CASZ1: variants seen among roughly 807,000 people sequenced by gnomAD.
CASZ1 encodes zinc finger protein castor homolog 1.
A neutral mutation model predicts 135.2 loss-of-function variants in CASZ1; 28 were observed. The observed-to-expected ratio is 0.21, with a 90% CI of 0.15 to 0.28. The LOEUF is 0.28. Ranked by LOEUF, CASZ1 falls within the 10% of genes least tolerant of loss-of-function variation. The pLI is 1.00. For synonymous variants in CASZ1, 1,068 were observed against 1,073.4 expected (o/e 0.99, Z 0.10); for missense variants, 2,161 against 2,453.3 (o/e 0.88, Z 2.52).
rs921655431 is a variant in CASZ1 at position 10,647,773 on chromosome 1, G to A, written c.3497+28C>T. 16 of 1,612,098 alleles carry A rather than the reference G, an allele frequency of 9.9e-6. No homozygotes were observed. The highest frequency in any genetic ancestry group is 3.3e-5 in the South Asian group (3 of 91,032). ...TACTCCCGAGACGCGAGGGGAACGC[G>A]GGACTCCCGGCTCATCGAGGGACTC... is the stretch of plus-strand genomic sequence containing the variant. On this transcript the variant is annotated intron_variant, in intron 16 of 20. Transcript: ENST00000377022. This position sits in a 1 kb window ranked among gnomAD's most constrained non-coding sequence, Gnocchi z 4.9.
rs1282053137 is a variant in CASZ1, at chr1:10,647,430, C to A, written c.3497+371G>T. On this transcript the variant is annotated intron_variant, in intron 16 of 20. Transcript: ENST00000377022. The surrounding 1 kb of genome is among the most constrained non-coding windows in gnomAD (Gnocchi z 4.9). ...GCAGAGATTCAGCCATGGGTGTGAG[C>A]CACAGAGGAGGCCAATACGGAGGCT... is the stretch of plus-strand genomic sequence containing the variant. 6.1e-6 allele frequency: 7 copies of A among 1,148,836 alleles called. No homozygotes were observed. Among genetic ancestry groups the A allele is most frequent in the Non-Finnish European group, 7.5e-6 (7 of 927,222 alleles). The allele number at this position is 1,148,836 out of a possible 1,614,324, so 71.2% of individuals were successfully genotyped here.
intron 2 of CASZ1, among the ~76,000 whole-genome samples, chr1:10,723,185 G>T (rs1639535119): frequency 6.6e-6 from 1 of 152,156 alleles, no homozygotes. Flanking sequence ...CTGCCAGTGT[G>T]GATGGTGGGT....
intron 4 of CASZ1, among the ~76,000 whole-genome samples, chr1:10,681,047 C>A (rs1232296954): frequency 6.6e-6 from 1 of 151,742 alleles, no homozygotes; most frequent in Non-Finnish European, 1.5e-5. Flanking sequence ...ATTACAGGCG[C>A]CTGCCACCAC....
At chr1:10,793,740 G>T (rs1478185475) in intron 1 of CASZ1, among the ~76,000 whole-genome samples, 2 of 151,684 alleles carry the variant, frequency 1.3e-5, no homozygotes, top group African/African-American at 2.4e-5. Context: ...GCGGGGCGGC[G>T]ATCTCTCCAA....
chr1:10,647,342 C>G lies in CASZ1; in HGVS notation c.3497+459G>C. 1 of 1,023,020 alleles carries G rather than the reference C, an allele frequency of 9.8e-7. No homozygotes were observed. The highest frequency in any genetic ancestry group is 1.2e-6 in the Non-Finnish European group (1 of 852,354). 63.4% of individuals were successfully genotyped at this position (1,023,020 alleles called of 1,614,324 possible). On this transcript the variant is annotated intron_variant, in intron 16 of 20. Transcript: ENST00000377022. This position sits in a 1 kb window ranked among gnomAD's most constrained non-coding sequence, Gnocchi z 4.9. ...GGTCCCTTCCACCCAAGAGCTCAGA[C>G]CACTGTGCAGGCCAGTGACGGCCTG...
intron 20 of CASZ1, among the ~76,000 whole-genome samples, chr1:10,640,340 G>C (rs1642159803): frequency 6.6e-6 from 1 of 152,242 alleles, no homozygotes; most frequent in South Asian, 2.1e-4. Flanking sequence ...GGACGTGGTG[G>C]CTGCTTCCTG....
chr1:10,653,419 G>T lies in CASZ1; in HGVS notation c.2638C>A (p.Leu880Met), dbSNP rs981434081. 1 of 1,613,230 alleles carries T rather than the reference G, an allele frequency of 6.2e-7. No homozygotes were observed. Among genetic ancestry groups the T allele is most frequent in the African/African-American group, 1.3e-5 (1 of 74,950 alleles). The change falls in exon 11 of 21, where the codon CTG becomes ATG. Residue 880 changes from leucine to methionine, a missense_variant. Around this residue, in one of 7 missense-constraint regions of CASZ1, gnomAD observed 406 missense variants for 387.6 expected, o/e 1.05. Transcript: ENST00000377022. Reference sequence around the variant, plus strand: ...GAGGGCTTGAGGGCAGCTGCAGCCAGCCTGGCCATCATGGGCGAGATGAGG... The same window carrying T: ...GAGGGCTTGAGGGCAGCTGCAGCCATCCTGGCCATCATGGGCGAGATGAGG... ...KGLISPMMARLAAAALKPSAT... is the reference protein window; with the variant it reads ...KGLISPMMARMAAAALKPSAT...
Position 10,650,699 on chromosome 1 carries a change from A to T in CASZ1, c.2873T>A (p.Met958Lys), listed in dbSNP as rs760554418. ...PANSSLLSSL[M>K]NKMSQGNPGL... ...GTGATGGATGGCTCTTACCTTATTCATAAGCGAGGATAAAAGAGATGAATT... is the reference window on the plus strand; with the variant it reads ...GTGATGGATGGCTCTTACCTTATTCTTAAGCGAGGATAAAAGAGATGAATT... Residue 958 changes from methionine to lysine, a missense_variant, in exon 13 of 21, where the codon ATG becomes AAG. Physicochemically the swap from Met to Lys is moderately conservative, Grantham distance 95. Coordinates refer to ENST00000377022, the MANE Select transcript of CASZ1 (RefSeq NM_001079843.3). 6.2e-7 allele frequency: 1 copy of T among 1,613,764 alleles called. No individual in the cohort carries two copies. Among genetic ancestry groups the T allele is most frequent in the Non-Finnish European group, 8.5e-7 (1 of 1,179,608 alleles).
chr1:10,664,918 C>T (rs1000237335), intron 5 of CASZ1, among the ~76,000 whole-genome samples, 165 bp downstream of exon 5: 1 of 151,940 alleles, frequency 6.6e-6, no homozygotes, highest in African/African-American at 2.4e-5. Context: ...GGGTGCCCCT[C>T]CCCGTCCTAG....
Position 10,776,053 on chromosome 1 carries a change from C to T in CASZ1, c.-233-15196G>A, listed in dbSNP as rs1246711982. On this transcript the variant is annotated intron_variant, in intron 1 of 20. Coordinates refer to ENST00000377022, the MANE Select transcript of CASZ1 (RefSeq NM_001079843.3). This position sits in a 1 kb window ranked among gnomAD's most constrained non-coding sequence, Gnocchi z 4.1. ...TCGGTCCCTGTAGCTAATTTACACC[C>T]GTCAGGGTTTAAAATAGCAGAGGCA... 1.3e-5 allele frequency among the ~76,000 whole-genome samples: 2 copies of T among 152,196 alleles called. No individual in the cohort carries two copies. Among genetic ancestry groups the T allele is most frequent in the South Asian group, 2.1e-4 (1 of 4,834 alleles).
chr1:10,684,988 C>G (rs118176932), intron 4 of CASZ1, among the ~76,000 whole-genome samples: 1 of 152,232 alleles, frequency 6.6e-6, no homozygotes, highest in East Asian at 1.9e-4. Context: ...AGGTCGGGAG[C>G]CTCCTGGAAT....
Position 10,724,841 on chromosome 1 carries a change from G to A in CASZ1, c.-76-19297C>T, listed in dbSNP as rs1639568082. Among the ~76,000 whole-genome samples, 1 of 152,228 alleles carries A rather than the reference G, an allele frequency of 6.6e-6. No homozygotes were observed. The highest frequency in any genetic ancestry group is 2.4e-5 in the African/African-American group (1 of 41,468). On this transcript the variant is annotated intron_variant, in intron 2 of 20. Transcript: ENST00000377022. The surrounding 1 kb of genome is among the most constrained non-coding windows in gnomAD (Gnocchi z 4.1). ...CGGAGGATGACATAAGGGGGACACA[G>A]CCAACCTGGGGAAGAGAAGGTGCTC...
At chr1:10,751,404 G>A (rs1160441043) in intron 2 of CASZ1, among the ~76,000 whole-genome samples, 5 of 152,162 alleles carry the variant, frequency 3.3e-5, no homozygotes, top group African/African-American at 9.7e-5. Flanking sequence ...CCCATCTTCA[G>A]GGGGATGATC....
intron 1 of CASZ1, among the ~76,000 whole-genome samples, chr1:10,769,136 T>C (rs964136078): frequency 1.3e-5 from 2 of 152,070 alleles, no homozygotes; most frequent in African/African-American, 2.4e-5. Flanking sequence ...CAAGCCTCCG[T>C]CTCAAAAAAG....
chr1:10,758,792 G>A (rs557533733), intron 2 of CASZ1, among the ~76,000 whole-genome samples: 1 of 152,310 alleles, frequency 6.6e-6, no homozygotes, highest in East Asian at 1.9e-4. Context: ...CTGAGACCAT[G>A]GGTCACCCCT....
intron 2 of CASZ1, among the ~76,000 whole-genome samples, chr1:10,737,474 G>T (rs1156441854): frequency 6.6e-6 from 1 of 152,242 alleles, no homozygotes; most frequent in Admixed American, 6.5e-5. Context: ...GCAGAGAAGT[G>T]GGTGGGGTTT....
chr1:10,656,805 G>GCCCCAT, intron 7 of CASZ1, 69 bp from the exon 8 acceptor site: 2 of 1,050,492 alleles, frequency 1.9e-6, no homozygotes, highest in Non-Finnish European at 2.9e-6. Context: ...CCCAGCCCCA[G>GCCCCAT]CCCCAGGGAG....
At chr1:10,645,125 G>T in intron 17 of CASZ1, 37 bp from the exon 18 acceptor site, 1 of 1,594,272 alleles carries the variant, frequency 6.3e-7, no homozygotes, top group South Asian at 1.1e-5. Context: ...ACAGGCGGGT[G>T]ACTTTCAAGA....
chr1:10,740,485 A>C (rs577828646), intron 2 of CASZ1, among the ~76,000 whole-genome samples: 2 of 152,192 alleles, frequency 1.3e-5, no homozygotes, highest in Non-Finnish European at 2.9e-5. Flanking sequence ...GGTCCCCCCA[A>C]GCCAGGGCTT....
Sources: gnomAD v4.1 joint callset for allele counts (sites outside exome capture counted in the v4.1 genomes callset) on GRCh38, gnomAD v4.1.1 for gene constraint, gnomAD v4.1.1 regional missense constraint, Gnocchi (gnomAD v3.1) non-coding constraint, MANE v1.5 for transcripts, NCBI Gene and HGNC (gene_info 2026-07-23, HGNC 2026-07-21) for gene names.